The following PAX2 variants were observed in gnomAD, a reference collection of about 807,000 sequenced individuals.
PAX2 encodes the protein paired box protein Pax-2.
In PAX2, 9 loss-of-function variants were observed where a neutral mutation model predicts 41.7. The observed-to-expected ratio is 0.22, with a 90% CI of 0.13 to 0.38. The LOEUF (loss-of-function observed/expected upper bound fraction) is 0.38, where lower values mean the gene tolerates loss of function less well. Among genes scored for constraint, PAX2 ranks in the 10% least tolerant of loss-of-function variants. PAX2 has a pLI of 1.00. For missense variants in PAX2, 418 were observed against 531.6 expected (o/e 0.79, Z 2.10); for synonymous variants, 221 against 212.7 (o/e 1.04, Z -0.34).
Position 100,824,639 on chromosome 10 carries a change from T to C in PAX2, c.920-9T>C. On this transcript the variant is annotated splice_polypyrimidine_tract_variant and intron_variant, in intron 7 of 9. Coordinates refer to ENST00000355243, the MANE Select transcript of PAX2 (RefSeq NM_000278.5). The surrounding 1 kb of genome is among the most constrained non-coding windows in gnomAD (Gnocchi z 6.6). ...CAGGCCTCACCCCTTCCCCTTTGTG[T>C]TTTTCCAGGTCGTGACATGGCGAGC... 6.3e-7 allele frequency: 1 copy of C among 1,592,894 alleles called. No homozygotes were observed. Among genetic ancestry groups the C allele is most frequent in the Non-Finnish European group, 8.6e-7 (1 of 1,160,816 alleles).
At chr10:100,792,898 C>T (rs569668860) in intron 5 of PAX2, among the ~76,000 whole-genome samples, 2 of 152,340 alleles carry the variant, frequency 1.3e-5, no homozygotes, top group South Asian at 4.1e-4. Context: ...AATAAAGCCC[C>T]CAACACAGGA....
Position 100,803,671 on chromosome 10 carries a change from G to A in PAX2, c.617-2759G>A, listed in dbSNP as rs78917108. ...GCAAGCCTCCTCCAGCCTCTCTGGG[G>A]GGTGGGGGTTCTCCGCATGCTTTCA... is the stretch of plus-strand genomic sequence containing the variant. On this transcript the variant is annotated intron_variant, in intron 5 of 9. Coordinates refer to ENST00000355243, the MANE Select transcript of PAX2 (RefSeq NM_000278.5). Among the ~76,000 whole-genome samples, 1,432 of 152,044 alleles carry A rather than the reference G, an allele frequency of 9.4e-3. 24 individuals carry two copies. Among genetic ancestry groups the A allele is most frequent in the African/African-American group, 0.033 (1,380 of 41,450 alleles).
At chr10:100,781,200 TGCTA>T in intron 4 of PAX2, 42 bp from the exon 5 acceptor site, 2 of 1,610,888 alleles carry the variant, frequency 1.2e-6, no homozygotes, top group Non-Finnish European at 1.7e-6. Flanking sequence ...CGATCACAAC[TGCTA>T]AACTGCTATC....
upstream of PAX2, among the ~76,000 whole-genome samples, chr10:100,742,843 C>CT (rs61627823): frequency 1.9e-4 from 8 of 41,250 alleles, no homozygotes; most frequent in East Asian, 8.9e-4. Flanking sequence ...TTCTTTCTTC[C>CT]TTTTTTTTTT....
In PAX2 at chr10:100,808,166, T is replaced by G. The variant is rs7097681; in HGVS notation, c.793-944T>G. On this transcript the variant is annotated intron_variant, in intron 6 of 9. Coordinates refer to ENST00000355243, the MANE Select transcript of PAX2 (RefSeq NM_000278.5). ...GCCTAATTGAGTTCATTTTAATTTC[T>G]CTCCGATCACAGCGAATTACTCTGG... Among the ~76,000 whole-genome samples the G allele has an allele frequency of 7.1e-3, 1,087 of 152,304 alleles. 11 individuals are homozygous for G. The highest frequency in any genetic ancestry group is 0.025 in the African/African-American group (1,026 of 41,550).
upstream of PAX2, among the ~76,000 whole-genome samples, chr10:100,740,778 G>GCTGTGCT (rs5787399): frequency 6.6e-6 from 1 of 151,458 alleles, no homozygotes; most frequent in South Asian, 2.1e-4. Context: ...GGCCCCTTTA[G>GCTGTGCT]GAGGTCCATG....
At chr10:100,809,938 G>T (rs891515035) in intron 7 of PAX2, among the ~76,000 whole-genome samples, 1 of 152,224 alleles carries the variant, frequency 6.6e-6, no homozygotes, top group Admixed American at 6.5e-5. Flanking sequence ...AGGGAAGGCC[G>T]CAGAGCTCCA....
intron 3 of PAX2, among the ~76,000 whole-genome samples, chr10:100,756,080 C>A (rs1054732072): frequency 6.6e-6 from 1 of 152,126 alleles, no homozygotes; most frequent in East Asian, 1.9e-4. Context: ...GAGAGTGTGA[C>A]TATGCATGAT....
chr10:100,800,058 TTA>T (rs1331686544), intron 5 of PAX2, among the ~76,000 whole-genome samples: 1 of 151,954 alleles, frequency 6.6e-6, no homozygotes. Context: ...GGTGCTGGGA[TTA>T]TAGGAGTGAG....
intron 5 of PAX2, among the ~76,000 whole-genome samples, chr10:100,804,155 A>G (rs1439638973): frequency 1.3e-5 from 2 of 152,072 alleles, no homozygotes; most frequent in African/African-American, 2.4e-5. Flanking sequence ...AGAGCACCAT[A>G]ATCTCTCGCA....
intron 3 of PAX2, among the ~76,000 whole-genome samples, chr10:100,778,934 G>A (rs781118753): frequency 1.2e-4 from 18 of 152,156 alleles, no homozygotes; most frequent in Non-Finnish European, 2.1e-4. Flanking sequence ...GTGCTGTGTT[G>A]GAGTCCTGGG....
chr10:100,739,375 C>T (rs967152399), intron 1 of PAX2, among the ~76,000 whole-genome samples: 7 of 152,232 alleles, frequency 4.6e-5, no homozygotes, highest in African/African-American at 1.4e-4. Context: ...TACCAGCTCC[C>T]GGCTGTGGCG....
intron 3 of PAX2, among the ~76,000 whole-genome samples, chr10:100,776,257 A>G (rs118150424): frequency 3.4e-4 from 52 of 152,110 alleles, no homozygotes; most frequent in Non-Finnish European, 5.3e-4. Flanking sequence ...TTTACTCCCT[A>G]TGCATTCCCT....
At chr10:100,825,965 G>A (rs1022587003) in intron 8 of PAX2, among the ~76,000 whole-genome samples, 5 of 151,628 alleles carry the variant, frequency 3.3e-5, no homozygotes, top group Non-Finnish European at 5.9e-5. Flanking sequence ...GAGTGGGGAG[G>A]TGGGGGCAGG....
intron 6 of PAX2, among the ~76,000 whole-genome samples, chr10:100,808,828 G>C (rs142717622): frequency 6.6e-6 from 1 of 151,996 alleles, no homozygotes. Flanking sequence ...CACCCTACCC[G>C]CAGGGGTGCT....
intron 7 of PAX2, among the ~76,000 whole-genome samples, chr10:100,814,537 C>A (rs1258732417): frequency 6.6e-6 from 1 of 152,222 alleles, no homozygotes; most frequent in Non-Finnish European, 1.5e-5. Context: ...ATGGAAAGAG[C>A]TGAGCCTCAG....
At chr10:100,789,116 C>CT (rs1297052526) in intron 5 of PAX2, among the ~76,000 whole-genome samples, 12 of 151,958 alleles carry the variant, frequency 7.9e-5, no homozygotes, top group Admixed American at 1.3e-4. Flanking sequence ...CTCTCTCTCT[C>CT]TTTTTTTTGG....
chr10:100,801,617 A>G (rs1847567285), intron 5 of PAX2, among the ~76,000 whole-genome samples: 2 of 152,204 alleles, frequency 1.3e-5, no homozygotes, highest in Non-Finnish European at 2.9e-5. Context: ...AACATGAAAA[A>G]TTTGGACCAG....
intron 3 of PAX2, among the ~76,000 whole-genome samples, chr10:100,754,833 C>G (rs1845573896): frequency 6.6e-6 from 1 of 152,176 alleles, no homozygotes; most frequent in African/African-American, 2.4e-5. Context: ...GAAGCTTGGC[C>G]AGAGGGGTGG....
Sources: gnomAD v4.1 joint callset for allele counts (sites outside exome capture counted in the v4.1 genomes callset) on GRCh38, gnomAD v4.1.1 for gene constraint, Gnocchi (gnomAD v3.1) non-coding constraint, MANE v1.5 for transcripts, NCBI Gene and HGNC (gene_info 2026-07-23, HGNC 2026-07-21) for gene names.